RAD23A: variants seen among roughly 807,000 people sequenced by gnomAD.
The protein encoded by RAD23A is lysine-specific demethylase RAD23A.
A neutral mutation model predicts 44.8 loss-of-function variants in RAD23A; 16 were observed. The observed-to-expected ratio is 0.36, with a 90% CI of 0.24 to 0.54. The LOEUF is 0.54. Among genes scored for constraint, RAD23A ranks in the 20% least tolerant of loss-of-function variants. The probability of loss-of-function intolerance (pLI) is 0.89; values close to 1 mark genes in which losing one functional copy is unlikely to be tolerated. For synonymous variants in RAD23A, 217 were observed against 202.9 expected, an observed-to-expected ratio of 1.07 and a Z score of -0.59; for missense variants, 380 against 483.3, an observed-to-expected ratio of 0.79 and a Z score of 2.00.
In RAD23A at chr19:12,948,807, G is replaced by A. The variant is rs1253621420; in HGVS notation, c.594G>A (p.Leu198=). 5.0e-6 allele frequency: 8 copies of A among 1,605,028 alleles called. No homozygotes were observed. The East Asian group carries it at 1.6e-4, about 31-fold the overall frequency. Residue 198 remains leucine (L), a synonymous_variant, in exon 5 of 9, where the codon CTG becomes CTA. Coordinates refer to ENST00000586534, the MANE Select transcript of RAD23A (RefSeq NM_005053.4). This position sits in a 1 kb window ranked among gnomAD's most constrained non-coding sequence, Gnocchi z 5.5. ...ACCCCCACCGAGCCGTGGAGTATCT[G>A]CTCACGGTGAGGTGGGGCTTCCGCC... is the stretch of plus-strand genomic sequence containing the variant. ...YNNPHRAVEY[L]LTGIPGSPEP... is the part of the protein sequence containing the mutation.
Position 12,948,516 on chromosome 19 carries a change from A to G in RAD23A, c.436A>G (p.Ser146Gly). Residue 146 changes from serine (S) to glycine (G), a missense_variant, in exon 4 of 9, where the codon AGC (serine) becomes GGC (glycine). By Grantham distance (56) the Ser-to-Gly change is moderately conservative. This residue lies in a region of RAD23A where 279 missense variants were observed against 313.7 expected (regional missense o/e 0.89). Transcript: ENST00000586534. This position sits in a 1 kb window ranked among gnomAD's most constrained non-coding sequence, Gnocchi z 5.5. ...SVSGSVPSSG[S>G]SGREEDAAST... ...TTGCAGCTCTGTTCCCTCTTCAGGTAGCAGCGGGCGAGAGGAAGACGCGGC... is the reference window on the plus strand; with the variant it reads ...TTGCAGCTCTGTTCCCTCTTCAGGTGGCAGCGGGCGAGAGGAAGACGCGGC... The G allele has an allele frequency of 1.3e-6, 2 of 1,594,782 alleles. No individual in the cohort carries two copies. The highest frequency in any genetic ancestry group is 8.5e-7 in the Non-Finnish European group (1 of 1,170,444).
Position 12,948,363 on chromosome 19 carries a change from G to T in RAD23A, c.416+5G>T. On this transcript the variant is annotated splice_donor_5th_base_variant and intron_variant, in intron 3 of 8. Transcript: ENST00000586534. The surrounding 1 kb of genome is among the most constrained non-coding windows in gnomAD (Gnocchi z 5.5). ...GTCCCCAGAGTCTGTGTCAGGGTAA[G>T]GCGGGGGCAGCAGTCCCAGCTTGGG... 6.4e-7 allele frequency: 1 copy of T among 1,571,478 alleles called. No individual in the cohort carries two copies. The highest frequency in any genetic ancestry group is 8.6e-7 in the Non-Finnish European group (1 of 1,157,082).
chr19:12,948,314 A>T lies in RAD23A; in HGVS notation c.372A>T (p.Pro124=), dbSNP rs1164211073. 6.2e-7 allele frequency: 1 copy of T among 1,609,274 alleles called. No individual in the cohort carries two copies. Among genetic ancestry groups the T allele is most frequent in the East Asian group, 2.2e-5 (1 of 44,834 alleles). ...CTGCCGCCAGAGAGGACAAGAGCCC[A>T]TCAGAGGAATCCGCCCCCACGACGT... ...PPPAAREDKS[P]SEESAPTTSP... The change falls in exon 3 of 9, where the codon CCA becomes CCT. Residue 124 remains proline (P), a synonymous_variant. Transcript: ENST00000586534. The surrounding 1 kb of genome is among the most constrained non-coding windows in gnomAD (Gnocchi z 5.5).
intron 7 of RAD23A, among the ~76,000 whole-genome samples, chr19:12,950,497 C>T (rs1023550912): frequency 7.9e-5 from 12 of 152,072 alleles, no homozygotes; most frequent in South Asian, 4.1e-4. Flanking sequence ...CTCCGCCTCC[C>T]GGGTTCAAGC....
Position 12,947,977 on chromosome 19 carries a change from G to A in RAD23A, c.202G>A (p.Glu68Lys), listed in dbSNP as rs759068052. The A allele has an allele frequency of 1.2e-6, 2 of 1,613,932 alleles. No homozygotes were observed. The highest frequency in any genetic ancestry group is 1.1e-5 in the South Asian group (1 of 91,078). The stretch of plus-strand genomic sequence containing the variant: ...CCCTATCAGGGACTATCGCATCGAT[G>A]AGAAGAACTTTGTGGTCGTCATGGT... Reference protein sequence around the residue: ...DVPIRDYRIDEKNFVVVMVTK... With the variant: ...DVPIRDYRIDKKNFVVVMVTK... The change falls in exon 2 of 9, where the codon GAG becomes AAG. Residue 68 changes from glutamate to lysine, a missense_variant. By Grantham distance (56) the Glu-to-Lys change is moderately conservative. Coordinates refer to ENST00000586534, the MANE Select transcript of RAD23A (RefSeq NM_005053.4).
chr19:12,952,210 A>C (rs137866495), intron 7 of RAD23A, among the ~76,000 whole-genome samples: 2 of 149,954 alleles, frequency 1.3e-5, no homozygotes, highest in African/African-American at 4.9e-5. Flanking sequence ...CAGCCTATTT[A>C]TGTATTTATT....
At chr19:12,950,034 C>G (rs1357722729) in intron 7 of RAD23A, among the ~76,000 whole-genome samples, 1 of 152,112 alleles carries the variant, frequency 6.6e-6, no homozygotes, top group Non-Finnish European at 1.5e-5. Context: ...GCACTCAGCC[C>G]TCCCTCATAG....
intron 1 of RAD23A, among the ~76,000 whole-genome samples, chr19:12,946,397 C>G (rs1056442360): frequency 1.3e-5 from 2 of 152,206 alleles, no homozygotes; most frequent in African/African-American, 4.8e-5. Context: ...GTGGTCGAAT[C>G]TAGGAGTAAT....
intron 1 of RAD23A, 64 bp downstream of exon 1, chr19:12,946,084 G>GGGGGGGGGGGGGGGGGC: frequency 1.4e-5 from 7 of 512,134 alleles, no homozygotes; most frequent in Non-Finnish European, 2.6e-5. Context: ...TGGGGGCGGG[G>GGGGGGGGGGGGGGGGGC]AGGCTAGAAT....
At chr19:12,949,247 G>A (rs1289067386) in intron 6 of RAD23A, 28 bp from the exon 7 acceptor site, 7 of 1,613,840 alleles carry the variant, frequency 4.3e-6, no homozygotes, top group Non-Finnish European at 5.9e-6. Flanking sequence ...CCGGCGTGGT[G>A]TCTGACTGCA....
intron 7 of RAD23A, among the ~76,000 whole-genome samples, chr19:12,950,079 A>G (rs940624006): frequency 1.6e-4 from 24 of 151,760 alleles, no homozygotes; most frequent in African/African-American, 5.8e-4. Flanking sequence ...GGGAACCCCC[A>G]AATCTATGTA....
intron 7 of RAD23A, among the ~76,000 whole-genome samples, chr19:12,951,286 T>C (rs1333061423): frequency 4.6e-5 from 7 of 152,156 alleles, no homozygotes; most frequent in Non-Finnish European, 8.8e-5. Flanking sequence ...CAAGTTCACC[T>C]TTCTAAAAGA....
chr19:12,948,229 C>T lies in RAD23A; in HGVS notation c.287C>T (p.Ala96Val), dbSNP rs1450454506. The T allele has an allele frequency of 5.0e-6, 8 of 1,614,078 alleles. No individual in the cohort carries two copies. The highest frequency in any genetic ancestry group is 3.3e-5 in the Admixed American group (2 of 60,004). Reference protein sequence around the residue: ...SAPPEASPTAAPESSTSFPPA... With the variant: ...SAPPEASPTAVPESSTSFPPA... ...CCCCCAGAGGCCTCACCCACAGCTGCCCCAGAGTCCTCTACATCCTTCCCG... is the reference window on the plus strand; with the variant it reads ...CCCCCAGAGGCCTCACCCACAGCTGTCCCAGAGTCCTCTACATCCTTCCCG... The change falls in exon 3 of 9, where the codon GCC becomes GTC. Residue 96 changes from alanine (A) to valine (V), a missense_variant. Ala to Val is a moderately conservative substitution (Grantham distance 64). Transcript: ENST00000586534. The surrounding 1 kb of genome is among the most constrained non-coding windows in gnomAD (Gnocchi z 5.5).
At chr19:12,950,087 G>A (rs1182476297) in intron 7 of RAD23A, among the ~76,000 whole-genome samples, 1 of 152,020 alleles carries the variant, frequency 6.6e-6, no homozygotes, top group Admixed American at 6.5e-5. Context: ...CCAAATCTAT[G>A]TAGCCAGCCC....
In RAD23A at chr19:12,948,844, C is replaced by T; in HGVS notation, c.600+31C>T. 6.3e-7 allele frequency: 1 copy of T among 1,576,862 alleles called. No individual in the cohort carries two copies. Among genetic ancestry groups the T allele is most frequent in the South Asian group, 1.2e-5 (1 of 86,344 alleles). On this transcript the variant is annotated intron_variant, in intron 5 of 8. Transcript: ENST00000586534. The surrounding 1 kb of genome is among the most constrained non-coding windows in gnomAD (Gnocchi z 5.5). ...GTGGGGCTTCCGCCTCCCGGGGAGG[C>T]CTTGAGGGAGTACCCGGGCGTCACT...
chr19:12,948,620 G>C lies in RAD23A; in HGVS notation c.473-66G>C. On this transcript the variant is annotated intron_variant, in intron 4 of 8. Coordinates refer to ENST00000586534, the MANE Select transcript of RAD23A (RefSeq NM_005053.4). This position sits in a 1 kb window ranked among gnomAD's most constrained non-coding sequence, Gnocchi z 5.5. Reference sequence around the variant, plus strand: ...GCCATCAGCTGGGCCTTGTCTGGGTGCGGGAGGGCCTGGGAGCTGCCCTTT... The same window carrying C: ...GCCATCAGCTGGGCCTTGTCTGGGTCCGGGAGGGCCTGGGAGCTGCCCTTT... The C allele has an allele frequency of 6.3e-7, 1 of 1,582,050 alleles. No individual in the cohort carries two copies.
chr19:12,946,050 G>A (rs898090163), intron 1 of RAD23A, 30 bp downstream of exon 1: 3 of 1,451,958 alleles, frequency 2.1e-6, no homozygotes, highest in African/African-American at 2.9e-5. Flanking sequence ...CCGGGGGCGG[G>A]AGCGACGGGT....
At chr19:12,949,611 G>C in intron 7 of RAD23A, 3 of 623,394 alleles carry the variant, frequency 4.8e-6, no homozygotes, top group Non-Finnish European at 8.3e-6. Flanking sequence ...TGTGGGTGCT[G>C]TCAACATCAC....
chr19:12,951,523 C>A (rs559837855), intron 7 of RAD23A, among the ~76,000 whole-genome samples: 26 of 151,038 alleles, frequency 1.7e-4, no homozygotes, highest in South Asian at 4.2e-4. Flanking sequence ...CTCAGCTCAC[C>A]GTAACCTCCG....
Sources: gnomAD v4.1 joint callset for allele counts (sites outside exome capture counted in the v4.1 genomes callset) on GRCh38, gnomAD v4.1.1 for gene constraint, gnomAD v4.1.1 regional missense constraint, Gnocchi (gnomAD v3.1) non-coding constraint, MANE v1.5 for transcripts, NCBI Gene and HGNC (gene_info 2026-07-23, HGNC 2026-07-21) for gene names.